The following FBN1 variants were observed in gnomAD, a reference collection of about 807,000 sequenced individuals.
The protein encoded by FBN1 is fibrillin 1, also known as fibrillin-1.
A neutral mutation model predicts 365.1 loss-of-function variants in FBN1; 29 were observed. That is an observed-to-expected ratio of 0.08 (90% CI 0.06 to 0.11). FBN1 has a LOEUF of 0.11. FBN1 is among the 10% of genes least tolerant of loss of function. FBN1 has a pLI of 1.00. For missense variants in FBN1, 2,476 were observed against 3,703.2 expected, an observed-to-expected ratio of 0.67 and a Z score of 8.60; for synonymous variants, 1,210 against 1,270.5, an observed-to-expected ratio of 0.95 and a Z score of 1.01.
At chr15:48,623,995 A>ACG (rs1491213280) in intron 2 of FBN1, among the ~76,000 whole-genome samples, 8 of 150,252 alleles carry the variant, frequency 5.3e-5, no homozygotes, top group Non-Finnish European at 8.9e-5. Context: ...ACACACACAC[A>ACG]CGCACAGCCT....
At chr15:48,600,038 G>C (rs1426381537) in intron 5 of FBN1, 101 bp downstream of exon 5, 2 of 859,906 alleles carry the variant, frequency 2.3e-6, no homozygotes, top group Non-Finnish European at 4.0e-6. Context: ...AACATGCTGT[G>C]TCCCAGGTAA....
At chr15:48,617,838 C>T (rs1009758299) in intron 2 of FBN1, among the ~76,000 whole-genome samples, 3 of 152,204 alleles carry the variant, frequency 2.0e-5, no homozygotes, top group Non-Finnish European at 4.4e-5. Context: ...ATTCCTTAGC[C>T]AAAGCCCACT....
At chr15:48,431,256 C>G (rs1328524260) in intron 55 of FBN1, among the ~76,000 whole-genome samples, 1 of 151,938 alleles carries the variant, frequency 6.6e-6, no homozygotes. Context: ...CACCACCACG[C>G]CTGGCTAATT....
chr15:48,468,238 A>T, intron 37 of FBN1, 136 bp from the exon 38 acceptor site: 1 of 1,341,874 alleles, frequency 7.5e-7, no homozygotes, highest in Non-Finnish European at 1.1e-6. Flanking sequence ...CATGAACATT[A>T]TACACTACCG....
At chr15:48,637,988 A>G (rs1385581009) in intron 2 of FBN1, among the ~76,000 whole-genome samples, 2 of 151,728 alleles carry the variant, frequency 1.3e-5, no homozygotes, top group Non-Finnish European at 2.9e-5. Flanking sequence ...ATAAAACTCT[A>G]TTTTCAAAAA....
intron 34 of FBN1, 134 bp downstream of exon 34, chr15:48,474,114 TCCCACAG>T: frequency 7.7e-7 from 1 of 1,290,786 alleles, no homozygotes; most frequent in Admixed American, 1.9e-5. Flanking sequence ...ATTTTTTTTT[TCCCACAG>T]AGCTCTAGTG....
At chr15:48,521,390 T>A (rs957255282) in intron 9 of FBN1, among the ~76,000 whole-genome samples, 2 of 152,240 alleles carry the variant, frequency 1.3e-5, no homozygotes, top group Non-Finnish European at 2.9e-5. Flanking sequence ...TAATCAAGAT[T>A]TCCTTTTGTC....
chr15:48,583,579 G>A lies in FBN1; in HGVS notation c.538+12704C>T, dbSNP rs143233039. Among the ~76,000 whole-genome samples the A allele has an allele frequency of 1.8e-3, 277 of 152,234 alleles. 4 individuals are homozygous for A. The highest frequency in any genetic ancestry group is 3.2e-3 in the Non-Finnish European group (217 of 68,020). ...TACCTCTCATTGATTTTAGAATGCC[G>A]CATTTCTAAAATAGCTAAGTACCTC... On this transcript the variant is annotated intron_variant, in intron 6 of 65. Transcript: ENST00000316623.
In FBN1 at chr15:48,422,172, G is replaced by A. The variant is rs1007459798; in HGVS notation, c.7454-104C>T. On this transcript the variant is annotated intron_variant, in intron 60 of 65. Transcript: ENST00000316623. ...CACGTTTGATTTGGAGGTCTCAAATGACCCTGACTAGAAAGAAGCCACAGC... is the reference window on the plus strand; with the variant it reads ...CACGTTTGATTTGGAGGTCTCAAATAACCCTGACTAGAAAGAAGCCACAGC... The A allele has an allele frequency of 2.7e-5, 21 of 779,848 alleles. No individual in the cohort carries two copies. In the African/African-American group the frequency reaches 3.1e-4, roughly 11 times the overall value. The allele number at this position is 779,848 out of a possible 1,614,324, so 48.3% of individuals were successfully genotyped here.
intron 43 of FBN1, among the ~76,000 whole-genome samples, chr15:48,458,659 A>G (rs12594721): frequency 0.026 from 3,912 of 152,338 alleles, 82 homozygotes; most frequent in East Asian, 0.084. Flanking sequence ...ATTGTTAGGT[A>G]TAAAATAGCA....
intron 34 of FBN1, among the ~76,000 whole-genome samples, chr15:48,473,236 C>G (rs2141278587): frequency 6.6e-6 from 1 of 152,222 alleles, no homozygotes; most frequent in Non-Finnish European, 1.5e-5. Context: ...ATGATTTCAT[C>G]TGAGATAAAA....
intron 2 of FBN1, among the ~76,000 whole-genome samples, chr15:48,627,574 G>A (rs567992444): frequency 6.6e-6 from 1 of 152,196 alleles, no homozygotes; most frequent in African/African-American, 2.4e-5. Flanking sequence ...GCAGGCAACT[G>A]TCTGACCCGG....
At chr15:48,497,184 C>A in intron 19 of FBN1, 82 bp downstream of exon 19, 1 of 1,564,472 alleles carries the variant, frequency 6.4e-7, no homozygotes, top group Admixed American at 1.7e-5. Flanking sequence ...CTCTAAGCTA[C>A]TCAAAGGCAG....
At chr15:48,500,939 A>G (rs559285390) in intron 17 of FBN1, among the ~76,000 whole-genome samples, 2 of 152,248 alleles carry the variant, frequency 1.3e-5, no homozygotes, top group Non-Finnish European at 2.9e-5. Context: ...CCTTTTGAAT[A>G]TTTTCAGTAC....
At chr15:48,519,933 A>G (rs1406734879) in intron 10 of FBN1, among the ~76,000 whole-genome samples, 1 of 152,184 alleles carries the variant, frequency 6.6e-6, no homozygotes, top group African/African-American at 2.4e-5. Flanking sequence ...CGACTAACGA[A>G]AGTGTGCTGT....
intron 46 of FBN1, among the ~76,000 whole-genome samples, chr15:48,447,887 A>G (rs2043171586): frequency 6.6e-6 from 1 of 152,138 alleles, no homozygotes; most frequent in Non-Finnish European, 1.5e-5. Context: ...GCCTTGATTC[A>G]TTTTTAGCCA....
intron 6 of FBN1, among the ~76,000 whole-genome samples, chr15:48,563,543 T>C (rs2044239470): frequency 6.6e-6 from 1 of 152,196 alleles, no homozygotes; most frequent in Non-Finnish European, 1.5e-5. Flanking sequence ...TCCAAATATA[T>C]ACATTTATAA....
chr15:48,572,049 C>T lies in FBN1; in HGVS notation c.538+24234G>A, dbSNP rs748098921. ...ATTAGTATGGTAGGTAGTTTCTTCGCTACTTCCCAAACTTTCTTAAATGAG... is the reference window on the plus strand; with the variant it reads ...ATTAGTATGGTAGGTAGTTTCTTCGTTACTTCCCAAACTTTCTTAAATGAG... On this transcript the variant is annotated intron_variant, in intron 6 of 65. Coordinates refer to ENST00000316623, the MANE Select transcript of FBN1 (RefSeq NM_000138.5). Among the ~76,000 whole-genome samples the T allele has an allele frequency of 1.3e-5, 2 of 152,260 alleles. 1 individual carries two copies. The highest frequency in any genetic ancestry group is 6.8e-3 in the Middle Eastern group (2 of 294).
intron 27 of FBN1, 145 bp from the exon 28 acceptor site, chr15:48,487,582 G>T (rs2043520273): frequency 2.5e-6 from 3 of 1,186,262 alleles, no homozygotes; most frequent in Non-Finnish European, 3.7e-6. Flanking sequence ...TCATACACCA[G>T]ATCTCCCTGC....
Sources: gnomAD v4.1 joint callset for allele counts (sites outside exome capture counted in the v4.1 genomes callset) on GRCh38, gnomAD v4.1.1 for gene constraint, MANE v1.5 for transcripts, NCBI Gene and HGNC (gene_info 2026-07-23, HGNC 2026-07-21) for gene names.